Variants in NPEPL1 observed in about 807,000 individuals in gnomAD.
The protein encoded by NPEPL1 is aminopeptidase like 1, also known as probable aminopeptidase NPEPL1.
In NPEPL1, 45 loss-of-function variants were observed where a neutral mutation model predicts 52.4. The ratio of observed to expected loss-of-function variants is 0.86; its 90% CI spans 0.68 to 1.10. NPEPL1 has a LOEUF of 1.10. Among genes scored for constraint, NPEPL1 ranks in the 50% least tolerant of loss-of-function variants. The pLI, the probability that NPEPL1 is intolerant of heterozygous loss-of-function variation, is 0.00. For missense variants in NPEPL1, 696 were observed against 710.9 expected, an observed-to-expected ratio of 0.98 and a Z score of 0.24; for synonymous variants, 360 against 314.7, an observed-to-expected ratio of 1.14 and a Z score of -1.52.
chr20:58,710,544 C>A (rs917933365), intron 7 of NPEPL1, among the ~76,000 whole-genome samples: 1 of 152,120 alleles, frequency 6.6e-6, no homozygotes, highest in Non-Finnish European at 1.5e-5. Context: ...AACCCTTGGC[C>A]GCCCTGGGGG....
rs544212667 is a variant in NPEPL1, at chr20:58,700,625, G to A, written c.680-391G>A. On this transcript the variant is annotated intron_variant, in intron 5 of 11. Transcript: ENST00000356091. ...AGGGACTGTGGGAGCGAGTGTGAAA[G>A]GGCGGTGCAGTCCCTGAGTGCTCAA... Among the ~76,000 whole-genome samples the A allele has an allele frequency of 1.2e-4, 18 of 152,374 alleles. No individual in the cohort carries two copies. The South Asian group carries it at 3.5e-3, about 30-fold the overall frequency.
chr20:58,689,793 C>CCA (rs890526018), upstream of NPEPL1, among the ~76,000 whole-genome samples: 4 of 150,074 alleles, frequency 2.7e-5, no homozygotes, highest in African/African-American at 1.0e-4. Flanking sequence ...CTCCTCCTGG[C>CCA]CACACACACA....
intron 1 of NPEPL1, 32 bp from the exon 2 acceptor site, chr20:58,693,705 C>A: frequency 6.4e-7 from 1 of 1,571,588 alleles, no homozygotes; most frequent in Non-Finnish European, 8.7e-7. Context: ...CTGTTTGAAG[C>A]CTCTGTGTCT....
rs952079803 is a variant in NPEPL1, at chr20:58,704,022, C to T, written c.822+2864C>T. ...CCATCTTCCCCGCTGCAGTTGGAAC[C>T]GTTCTACGTGGATTTGGGATCAACC... On this transcript the variant is annotated intron_variant, in intron 6 of 11. Coordinates refer to ENST00000356091, the MANE Select transcript of NPEPL1 (RefSeq NM_024663.4). 1.3e-5 allele frequency: 13 copies of T among 985,362 alleles called. No homozygotes were observed. In the East Asian group the frequency reaches 3.4e-4, roughly 26 times the overall value. The allele number at this position is 985,362 out of a possible 1,614,324, so 61.0% of individuals were successfully genotyped here. A position where few individuals can be genotyped will look rare whatever the true frequency, so the allele number is the denominator to read the frequency against.
chr20:58,707,055 G>A (rs2084749363), intron 6 of NPEPL1, 68 bp from the exon 7 acceptor site: 5 of 1,482,774 alleles, frequency 3.4e-6, no homozygotes, highest in Non-Finnish European at 3.7e-6. Context: ...GTGGGGGTGG[G>A]GGGCTTCCGC....
chr20:58,702,026 G>A (rs137998535), intron 6 of NPEPL1, among the ~76,000 whole-genome samples: 1 of 152,364 alleles, frequency 6.6e-6, no homozygotes, highest in East Asian at 1.9e-4. Flanking sequence ...GGCTGGGAAG[G>A]ACAGGGAGGG....
chr20:58,699,303 G>C (rs2182245), intron 5 of NPEPL1, 25 bp downstream of exon 5: 13 of 1,580,846 alleles, frequency 8.2e-6, no homozygotes, highest in Non-Finnish European at 1.1e-5. Flanking sequence ...CATCCCTGCA[G>C]CTCTTGGCCT....
At chr20:58,690,873 A>T (rs577449455), upstream of NPEPL1, among the ~76,000 whole-genome samples, 1 of 152,298 alleles carries the variant, frequency 6.6e-6, no homozygotes, top group African/African-American at 2.4e-5. Flanking sequence ...TGGCTTTCTG[A>T]AATGCTTCTT....
intron 6 of NPEPL1, among the ~76,000 whole-genome samples, chr20:58,702,508 A>G (rs2084651009): frequency 6.6e-6 from 1 of 152,224 alleles, no homozygotes; most frequent in Non-Finnish European, 1.5e-5. Context: ...TAAGCAGAAA[A>G]TGACACTAAT....
upstream of NPEPL1, chr20:58,691,709 T>TTTTTTTTG: frequency 1.4e-6 from 1 of 710,820 alleles, no homozygotes; most frequent in Non-Finnish European, 2.2e-6. Flanking sequence ...TTTTTTTTTT[T>TTTTTTTTG]TTTTTCATTT....
At chr20:58,698,856 G>T in intron 4 of NPEPL1, 83 bp downstream of exon 4, 2 of 1,202,300 alleles carry the variant, frequency 1.7e-6, no homozygotes, top group Non-Finnish European at 2.4e-6. Flanking sequence ...GAAACCTGGG[G>T]CTGTCCACAC....
At chr20:58,698,453 C>T (rs565371243) in intron 3 of NPEPL1, among the ~76,000 whole-genome samples, 4 of 151,986 alleles carry the variant, frequency 2.6e-5, no homozygotes, top group South Asian at 2.1e-4. Flanking sequence ...TTTGTGGAGG[C>T]GCAGGGTGGT....
Position 58,696,794 on chromosome 20 carries a change from C to T in NPEPL1, c.508-1890C>T, listed in dbSNP as rs1054602727. Among the ~76,000 whole-genome samples the T allele has an allele frequency of 3.9e-5, 6 of 152,384 alleles. No homozygotes were observed. In the Middle Eastern group the frequency reaches 0.01, roughly 259 times the overall value. ...CTGAGGCAGGAGTGTGCACACAGCA[C>T]GTGCTGGTGCACTGAATTCTCACTA... On this transcript the variant is annotated intron_variant, in intron 3 of 11. Transcript: ENST00000356091.
At chr20:58,701,782 C>T (rs1156498576) in intron 6 of NPEPL1, among the ~76,000 whole-genome samples, 2 of 152,090 alleles carry the variant, frequency 1.3e-5, no homozygotes, top group Admixed American at 6.5e-5. Flanking sequence ...CCCCCAAGAG[C>T]GAGGGGAATC....
chr20:58,695,049 T>TGTGGTGTGTG (rs2084442007), intron 3 of NPEPL1, among the ~76,000 whole-genome samples: 2 of 5,310 alleles, frequency 3.8e-4, no homozygotes, highest in African/African-American at 1.5e-3. Flanking sequence ...GCTGTGTATG[T>TGTGGTGTGTG]TTGCTGGTGT....
Position 58,715,361 on chromosome 20 carries a change from T to G in NPEPL1, c.*35T>G. On this transcript the variant is annotated 3_prime_UTR_variant, in exon 12 of 12. Transcript: ENST00000356091. ...CTCGGCCCTGACAAACGGGGATCTT[T>G]TACCTCACTTTGCACTGATTAATTT... The G allele has an allele frequency of 6.4e-7, 1 of 1,569,132 alleles. No homozygotes were observed. Among genetic ancestry groups the G allele is most frequent in the Non-Finnish European group, 8.6e-7 (1 of 1,157,398 alleles).
Position 58,709,594 on chromosome 20 carries a change from A to G in NPEPL1, c.900+2394A>G, listed in dbSNP as rs140018068. Among the ~76,000 whole-genome samples, 661 of 152,300 alleles carry G rather than the reference A, an allele frequency of 4.3e-3. 5 individuals are homozygous for G. The highest frequency in any genetic ancestry group is 0.014 in the African/African-American group (598 of 41,570). ...CTCTCAGAGTGCCTCTCGCAGCTTTATAGTGGTGACACTCACAACCCAGCC... is the reference window on the plus strand; with the variant it reads ...CTCTCAGAGTGCCTCTCGCAGCTTTGTAGTGGTGACACTCACAACCCAGCC... On this transcript the variant is annotated intron_variant, in intron 7 of 11. Transcript: ENST00000356091.
At position 58,715,433 on chromosome 20, in the gene NPEPL1, C is replaced by G. The variant is rs1176109657; in HGVS notation, c.*107C>G. 1 of 1,249,892 alleles carries G rather than the reference C, an allele frequency of 8.0e-7. No individual in the cohort carries two copies. The highest frequency in any genetic ancestry group is 1.1e-6 in the Non-Finnish European group (1 of 938,218). 77.4% of individuals were successfully genotyped at this position (1,249,892 alleles called of 1,614,324 possible). A position where few individuals can be genotyped will look rare whatever the true frequency, so the allele number is the denominator to read the frequency against. ...TTCATATGGGTTTTGGTTTGTCTTT[C>G]TGGTCGTCAGCGTGGTGGTGGAAAC... On this transcript the variant is annotated 3_prime_UTR_variant, in exon 12 of 12. Transcript: ENST00000356091.
At position 58,713,943 on chromosome 20, in the gene NPEPL1, C is replaced by T. The variant is rs537840713; in HGVS notation, c.1152C>T (p.Ala384=). The T allele has an allele frequency of 1.2e-5, 18 of 1,507,212 alleles. No individual in the cohort carries two copies. Among genetic ancestry groups the T allele is most frequent in the South Asian group, 6.5e-5 (5 of 77,036 alleles). The allele number at this position is 1,507,212 out of a possible 1,614,324, so 93.4% of individuals were successfully genotyped here. A position where few individuals can be genotyped will look rare whatever the true frequency, so the allele number is the denominator to read the frequency against. Residue 384 remains alanine, a synonymous_variant, in exon 10 of 12, where the codon GCC becomes GCT. Coordinates refer to ENST00000356091, the MANE Select transcript of NPEPL1 (RefSeq NM_024663.4). The surrounding 1 kb of genome is among the most constrained non-coding windows in gnomAD (Gnocchi z 4.6). Reference sequence around the variant, plus strand: ...GCATTGCCACAGGGAAGTACCACGCCGCGGTGCTCACCAACAGCGCTGAGT... The same window carrying T: ...GCATTGCCACAGGGAAGTACCACGCTGCGGTGCTCACCAACAGCGCTGAGT... The part of the protein sequence containing the change: ...AQGIATGKYH[A]AVLTNSAEWE...
Sources: gnomAD v4.1 joint callset for allele counts (sites outside exome capture counted in the v4.1 genomes callset) on GRCh38, gnomAD v4.1.1 for gene constraint, Gnocchi (gnomAD v3.1) non-coding constraint, MANE v1.5 for transcripts, NCBI Gene and HGNC (gene_info 2026-07-23, HGNC 2026-07-21) for gene names.